Variants in UTRN observed in about 807,000 individuals in gnomAD.
The protein encoded by UTRN is dystrophin-related protein 1.
A neutral mutation model predicts 463.9 loss-of-function variants in UTRN; 283 were observed. That is an observed-to-expected ratio of 0.61 (90% CI 0.55 to 0.67). UTRN has a LOEUF of 0.67. UTRN is among the 30% of genes least tolerant of loss of function. UTRN has a pLI of 0.00. For synonymous variants in UTRN, 1,442 were observed against 1,431.5 expected, an observed-to-expected ratio of 1.01 and a Z score of -0.17; for missense variants, 3,922 against 4,084.3, an observed-to-expected ratio of 0.96 and a Z score of 1.08.
chr6:144,751,919 A>G lies in UTRN; in HGVS notation c.8322A>G (p.Leu2774=). The change falls in exon 56 of 75, where the codon CTA becomes CTG. Residue 2774 remains leucine (L), a synonymous_variant. Coordinates refer to ENST00000367545, the MANE Select transcript of UTRN (RefSeq NM_007124.3). ...LHPSLKMSRQ[L]DDLNMRWKLL... Reference sequence around the variant, plus strand: ...CCTCTCTAAAGATGTCTCGCCAGCTAGATGACCTTAATATGCGATGGAAAC... The same window carrying G: ...CCTCTCTAAAGATGTCTCGCCAGCTGGATGACCTTAATATGCGATGGAAAC... The G allele has an allele frequency of 1.2e-6, 2 of 1,611,376 alleles. No individual in the cohort carries two copies. The highest frequency in any genetic ancestry group is 1.1e-5 in the South Asian group (1 of 90,630).
Position 144,485,378 on chromosome 6 carries a change from G to A in UTRN, c.3688-7G>A. 1 of 1,613,872 alleles carries A rather than the reference G, an allele frequency of 6.2e-7. No individual in the cohort carries two copies. Among genetic ancestry groups the A allele is most frequent in the East Asian group, 2.2e-5 (1 of 44,874 alleles). On this transcript the variant is annotated splice_polypyrimidine_tract_variant and splice_region_variant and intron_variant, in intron 27 of 74. Transcript: ENST00000367545. Reference sequence around the variant, plus strand: ...TTTTGTCTAATTTAAAATTTTTCATGCTTTAGGAGGTCTGGTCTTGTTGGA... The same window carrying A: ...TTTTGTCTAATTTAAAATTTTTCATACTTTAGGAGGTCTGGTCTTGTTGGA...
At chr6:144,559,762 T>C (rs1291812217) in intron 50 of UTRN, among the ~76,000 whole-genome samples, 3 of 152,094 alleles carry the variant, frequency 2.0e-5, no homozygotes. Flanking sequence ...TTGTGCTTTA[T>C]ACATAAAAAG....
chr6:144,702,448 T>C (rs1336615857), intron 53 of UTRN, among the ~76,000 whole-genome samples: 1 of 152,218 alleles, frequency 6.6e-6, no homozygotes, highest in African/African-American at 2.4e-5. Context: ...TGAACCAGCA[T>C]ATTCTGGTCA....
At chr6:144,316,020 G>A (rs6917576) in intron 2 of UTRN, among the ~76,000 whole-genome samples, 6,176 of 152,152 alleles carry the variant, frequency 0.041, 407 homozygotes, top group African/African-American at 0.14. Flanking sequence ...TCCCTCAGTT[G>A]TTTCCTTCTG....
rs1196606006 is a variant in UTRN at position 144,531,202 on chromosome 6, G to A, written c.6057G>A (p.Gln2019=). The A allele has an allele frequency of 6.2e-7, 1 of 1,613,650 alleles. No homozygotes were observed. The highest frequency in any genetic ancestry group is 2.2e-5 in the East Asian group (1 of 44,854). The change falls in exon 42 of 75, where the codon CAG becomes CAA. Residue 2019 remains glutamine, a splice_region_variant and synonymous_variant. Coordinates refer to ENST00000367545, the MANE Select transcript of UTRN (RefSeq NM_007124.3). ...TAGAGAAAGCCAGGATACATCAGCA[G>A]GTGAGTGCTTTCTGTTAGAGGAGGG... ...LDLEKARIHQ[Q]ELEVGISSHQ...
chr6:144,497,272 T>C (rs964965592), intron 33 of UTRN, among the ~76,000 whole-genome samples: 1 of 151,962 alleles, frequency 6.6e-6, no homozygotes, highest in Non-Finnish European at 1.5e-5. Flanking sequence ...TTCAGACATA[T>C]GTAGGAAGTG....
intron 53 of UTRN, among the ~76,000 whole-genome samples, chr6:144,729,183 A>G (rs567370706): frequency 7.9e-5 from 12 of 152,226 alleles, no homozygotes; most frequent in South Asian, 6.2e-4. Flanking sequence ...GATTTTCTGG[A>G]TATAGAAAAT....
intron 55 of UTRN, among the ~76,000 whole-genome samples, 179 bp downstream of exon 55, chr6:144,748,693 T>C (rs963779488): frequency 2.6e-5 from 4 of 152,230 alleles, no homozygotes; most frequent in African/African-American, 9.6e-5. Flanking sequence ...TTGGGGTTCA[T>C]TGGAACCCCC....
intron 53 of UTRN, among the ~76,000 whole-genome samples, chr6:144,725,982 T>G (rs1254453418): frequency 6.6e-6 from 1 of 152,006 alleles, no homozygotes; most frequent in African/African-American, 2.4e-5. Flanking sequence ...ATCAAAGGAG[T>G]TCGCGAGACA....
rs116193919 is a variant in UTRN, at chr6:144,677,279, C to T, written c.7480-1127C>T. Among the ~76,000 whole-genome samples, 361 of 152,118 alleles carry T rather than the reference C, an allele frequency of 2.4e-3. 4 individuals carry two copies. The highest frequency in any genetic ancestry group is 8.3e-3 in the African/African-American group (343 of 41,494). ...TCTCCCTTTCCTTTCGCCCTACCCCCCGACATCCCCCGGTGTGTGATGTCC... is the reference window on the plus strand; with the variant it reads ...TCTCCCTTTCCTTTCGCCCTACCCCTCGACATCCCCCGGTGTGTGATGTCC... On this transcript the variant is annotated intron_variant, in intron 51 of 74. Transcript: ENST00000367545.
At chr6:144,356,893 A>G (rs200970307) in intron 2 of UTRN, among the ~76,000 whole-genome samples, 2 of 47,562 alleles carry the variant, frequency 4.2e-5, no homozygotes, top group East Asian at 6.4e-4. Context: ...ATGTGTGTGT[A>G]TATATACACA....
At chr6:144,560,689 T>C (rs1332975680) in intron 50 of UTRN, among the ~76,000 whole-genome samples, 1 of 152,168 alleles carries the variant, frequency 6.6e-6, no homozygotes, top group Non-Finnish European at 1.5e-5. Context: ...TTCACAATTA[T>C]AAGTCCACAA....
At chr6:144,834,596 G>T (rs1398690649) in intron 69 of UTRN, among the ~76,000 whole-genome samples, 1 of 152,092 alleles carries the variant, frequency 6.6e-6, no homozygotes, top group Non-Finnish European at 1.5e-5. Context: ...AGAATTACAA[G>T]TACCAGAGGT....
chr6:144,344,140 C>CAGTTCGA, intron 2 of UTRN: 1 of 1,265,488 alleles, frequency 7.9e-7, no homozygotes, highest in Non-Finnish European at 1.0e-6. Context: ...TCCCAGTGTG[C>CAGTTCGA]AGTTCGAAGG....
At chr6:144,459,134 A>G in intron 20 of UTRN, 40 bp from the exon 21 acceptor site, 2 of 1,588,718 alleles carry the variant, frequency 1.3e-6, no homozygotes, top group Admixed American at 3.5e-5. Context: ...GAGGATGTTC[A>G]TCTTCAGTGA....
At chr6:144,398,626 G>T (rs754161782) in intron 2 of UTRN, 130 of 164,270 alleles carry the variant, frequency 7.9e-4, no homozygotes, top group Admixed American at 2.8e-3. Flanking sequence ...AAAAAGAACA[G>T]CTTGTGAGAG....
At chr6:144,546,229 G>T (rs1455472627) in intron 46 of UTRN, among the ~76,000 whole-genome samples, 2 of 152,134 alleles carry the variant, frequency 1.3e-5, no homozygotes, top group East Asian at 3.8e-4. Context: ...TGCCATTAGG[G>T]TGCTGTCTGG....
chr6:144,291,463 C>G (rs993974629), intron 1 of UTRN, among the ~76,000 whole-genome samples: 2 of 152,210 alleles, frequency 1.3e-5, no homozygotes, highest in African/African-American at 4.8e-5. Context: ...CTGCTGTGTG[C>G]TCTTAATACT....
At chr6:144,692,463 C>T (rs1177081454) in intron 52 of UTRN, among the ~76,000 whole-genome samples, 6 of 152,224 alleles carry the variant, frequency 3.9e-5, no homozygotes, top group South Asian at 2.1e-4. Flanking sequence ...TTTGAGGAGT[C>T]GCCACACTGT....
Sources: gnomAD v4.1 joint callset for allele counts (sites outside exome capture counted in the v4.1 genomes callset) on GRCh38, gnomAD v4.1.1 for gene constraint, MANE v1.5 for transcripts, NCBI Gene and HGNC (gene_info 2026-07-23, HGNC 2026-07-21) for gene names.